Variants in NME9 observed in about 807,000 individuals in gnomAD.
NME9 encodes NME/NM23 family member 9.
In NME9, 48 loss-of-function variants were observed where a neutral mutation model predicts 44.4. The ratio of observed to expected loss-of-function variants is 1.08; its 90% CI spans 0.86 to 1.37. The LOEUF (loss-of-function observed/expected upper bound fraction) is 1.37, where lower values mean the gene tolerates loss of function less well. Among genes scored for constraint, NME9 ranks in the 40% most tolerant of loss-of-function variants. The pLI is 0.00. For missense variants in NME9, 325 were observed against 405.2 expected (o/e 0.80, Z 1.70); for synonymous variants, 139 against 147.1 (o/e 0.94, Z 0.40).
intron 8 of NME9, among the ~76,000 whole-genome samples, chr3:138,288,292 C>T (rs2050614615): frequency 1.3e-5 from 2 of 152,148 alleles, no homozygotes; most frequent in African/African-American, 4.8e-5. Context: ...TAACCAGTAG[C>T]TTAAGAGATA....
chr3:138,302,148 C>T (rs541581235), intron 10 of NME9, among the ~76,000 whole-genome samples: 7 of 152,094 alleles, frequency 4.6e-5, no homozygotes, highest in Non-Finnish European at 1.0e-4. Context: ...AGGAATAGTG[C>T]TAACTACAGT....
intron 6 of NME9, among the ~76,000 whole-genome samples, chr3:138,312,623 T>C (rs892779084): frequency 2.8e-4 from 43 of 152,352 alleles, no homozygotes; most frequent in African/African-American, 1.0e-3. Context: ...ATTAAAGGCA[T>C]AATTCTAAGA....
intron 8 of NME9, among the ~76,000 whole-genome samples, chr3:138,283,793 C>T (rs2050150856): frequency 6.6e-6 from 1 of 152,226 alleles, no homozygotes; most frequent in Admixed American, 6.5e-5. Flanking sequence ...CCAGCTGGCA[C>T]AGGCTTCCTC....
chr3:138,316,338 G>T (rs574335666), intron 4 of NME9, among the ~76,000 whole-genome samples: 2 of 152,260 alleles, frequency 1.3e-5, no homozygotes, highest in African/African-American at 4.8e-5. Flanking sequence ...AAGCACTAAG[G>T]CAGAGGCAAA....
chr3:138,264,002 C>G (rs2048009872), intron 8 of NME9: 1 of 968,150 alleles, frequency 1.0e-6, no homozygotes, highest in Non-Finnish European at 1.6e-6. Context: ...ATAAAGTGGT[C>G]TGATGTAGTT....
Position 138,315,615 on chromosome 3 carries a change from C to T in NME9, c.296G>A (p.Gly99Glu), listed in dbSNP as rs1040394730. ...AGGELVAVVR[G>E]ANAPLLQKTI... Reference sequence around the variant, plus strand: ...TTTCTGCAGCAGTGGGGCATTTGCTCCTCTAACCACAGCCACCAGTTCTCC... The same window carrying T: ...TTTCTGCAGCAGTGGGGCATTTGCTTCTCTAACCACAGCCACCAGTTCTCC... The change falls in exon 5 of 11, where the codon GGA (glycine) becomes GAA (glutamate). Residue 99 changes from glycine (G) to glutamate (E), a missense_variant. By Grantham distance (98) the Gly-to-Glu change is moderately conservative. Coordinates refer to ENST00000333911, the MANE Select transcript of NME9 (RefSeq NM_001349018.2). 7 of 1,536,542 alleles carry T rather than the reference C, an allele frequency of 4.6e-6. No individual in the cohort carries two copies. Among genetic ancestry groups the T allele is most frequent in the African/African-American group, 4.1e-5 (3 of 73,032 alleles).
At chr3:138,286,894 G>C (rs2050480347) in intron 8 of NME9, among the ~76,000 whole-genome samples, 1 of 152,180 alleles carries the variant, frequency 6.6e-6, no homozygotes, top group African/African-American at 2.4e-5. Context: ...CCATGTGGCT[G>C]TCTGATAGCA....
intron 6 of NME9, among the ~76,000 whole-genome samples, 166 bp from the exon 7 acceptor site, chr3:138,306,646 A>G (rs2052288265): frequency 6.6e-6 from 1 of 152,068 alleles, no homozygotes; most frequent in African/African-American, 2.4e-5. Context: ...GCCCCTGCAA[A>G]CCTGGACTCT....
In NME9 at chr3:138,314,226, C is replaced by T. The variant is rs997525893; in HGVS notation, c.460+106G>A. 7 of 596,586 alleles carry T rather than the reference C, an allele frequency of 1.2e-5. No individual in the cohort carries two copies. The African/African-American group carries it at 1.3e-4, about 11-fold the overall frequency. The allele number at this position is 596,586 out of a possible 1,614,324, so 37.0% of individuals were successfully genotyped here. A position where few individuals can be genotyped will look rare whatever the true frequency, so the allele number is the denominator to read the frequency against. ...AAATTATGAACCATTAAAAAATCTT[C>T]TCATAGTTCAGATTGCTCAGTAAAC... On this transcript the variant is annotated intron_variant, in intron 6 of 10. Transcript: ENST00000333911.
intron 8 of NME9, among the ~76,000 whole-genome samples, chr3:138,282,712 T>C (rs1193436073): frequency 2.0e-5 from 3 of 151,254 alleles, no homozygotes; most frequent in African/African-American, 4.9e-5. Flanking sequence ...GGCTAGAATA[T>C]AGGGAAAGCA....
intron 8 of NME9, among the ~76,000 whole-genome samples, chr3:138,276,550 C>T (rs1015027662): frequency 6.6e-6 from 1 of 152,086 alleles, no homozygotes; most frequent in East Asian, 1.9e-4. Context: ...GCCATGGACT[C>T]ACCAAAAATT....
chr3:138,312,434 C>T (rs1314518846), intron 6 of NME9, among the ~76,000 whole-genome samples: 2 of 151,992 alleles, frequency 1.3e-5, no homozygotes, highest in African/African-American at 2.4e-5. Context: ...GAATAGCGAA[C>T]CCAGATGTAA....
At chr3:138,277,481 ATAT>A (rs556711902) in intron 8 of NME9, among the ~76,000 whole-genome samples, 26 of 152,366 alleles carry the variant, frequency 1.7e-4, no homozygotes, top group African/African-American at 5.3e-4. Flanking sequence ...ACCGGAAGGA[ATAT>A]TTGTGGATCA....
At chr3:138,289,507 A>C (rs561966660) in intron 8 of NME9, among the ~76,000 whole-genome samples, 2 of 152,200 alleles carry the variant, frequency 1.3e-5, no homozygotes, top group Non-Finnish European at 2.9e-5. Flanking sequence ...GCAGATAAGC[A>C]TGATGGAGAA....
intron 7 of NME9, 34 bp from the exon 8 acceptor site, chr3:138,306,130 A>G: frequency 7.0e-7 from 1 of 1,425,946 alleles, no homozygotes; most frequent in Non-Finnish European, 9.9e-7. Context: ...TAAAAGGGTA[A>G]ATCAAGCCCA....
chr3:138,270,708 CTTGTCGAAGGTAATAAAA>C (rs1229456894), intron 8 of NME9, among the ~76,000 whole-genome samples: 5 of 152,050 alleles, frequency 3.3e-5, no homozygotes, highest in Non-Finnish European at 5.9e-5. Flanking sequence ...GAATGATTAA[CTTGTCGAAGGTAATAAAA>C]TTGGTGCATA....
downstream of NME9, chr3:138,296,173 T>C (rs1031687582): frequency 2.9e-6 from 1 of 346,674 alleles, no homozygotes; most frequent in Admixed American, 4.9e-5. Context: ...GGACCTACAA[T>C]TTTTGCCTAT....
intron 8 of NME9, among the ~76,000 whole-genome samples, chr3:138,279,253 A>G (rs1386425958): frequency 6.6e-6 from 1 of 151,932 alleles, no homozygotes; most frequent in Non-Finnish European, 1.5e-5. Flanking sequence ...TTATTTTTAA[A>G]CCCCAAACAT....
chr3:138,309,736 GA>G (rs113533378), intron 6 of NME9, among the ~76,000 whole-genome samples: 19 of 145,742 alleles, frequency 1.3e-4, no homozygotes, highest in South Asian at 1.1e-3. Context: ...TGTCTCAAAA[GA>G]AAAAAAAAAG....
Sources: gnomAD v4.1 joint callset for allele counts (sites outside exome capture counted in the v4.1 genomes callset) on GRCh38, gnomAD v4.1.1 for gene constraint, MANE v1.5 for transcripts, NCBI Gene and HGNC (gene_info 2026-07-23, HGNC 2026-07-21) for gene names.